Variants in DPP10 observed in about 807,000 individuals in gnomAD.
DPP10 encodes the protein inactive dipeptidyl peptidase 10.
A neutral mutation model predicts 120.9 loss-of-function variants in DPP10; 33 were observed. The observed-to-expected ratio is 0.27, with a 90% CI of 0.21 to 0.37. The LOEUF is 0.37. Among genes scored for constraint, DPP10 ranks in the 10% least tolerant of loss-of-function variants. The pLI, the probability that DPP10 is intolerant of heterozygous loss-of-function variation, is 1.00. For missense variants in DPP10, 816 were observed against 942.8 expected (o/e 0.87, Z 1.76); for synonymous variants, 337 against 326.1 (o/e 1.03, Z -0.36).
chr2:114,631,550 G>T (rs1694927005), intron 1 of DPP10, among the ~76,000 whole-genome samples: 1 of 152,164 alleles, frequency 6.6e-6, no homozygotes, highest in Admixed American at 6.5e-5. Context: ...AGGGACTGGA[G>T]AAATCTTTAT....
At chr2:115,645,071 T>C (rs2087120347) in intron 5 of DPP10, among the ~76,000 whole-genome samples, 1 of 152,158 alleles carries the variant, frequency 6.6e-6, no homozygotes, top group African/African-American at 2.4e-5. Flanking sequence ...CTCCTATTAT[T>C]TTAAGCATTC....
intron 1 of DPP10, among the ~76,000 whole-genome samples, chr2:114,557,894 A>T (rs1179993889): frequency 6.6e-6 from 1 of 152,038 alleles, no homozygotes; most frequent in Non-Finnish European, 1.5e-5. Context: ...TTGACATGGG[A>T]TGTATTTTGA....
chr2:115,627,061 A>G (rs2085422858), intron 5 of DPP10, among the ~76,000 whole-genome samples: 1 of 152,170 alleles, frequency 6.6e-6, no homozygotes, highest in African/African-American at 2.4e-5. Flanking sequence ...TTTATTGACC[A>G]CATTTGGGGT....
chr2:115,674,497 A>G (rs1170390266), intron 5 of DPP10, among the ~76,000 whole-genome samples: 1 of 151,738 alleles, frequency 6.6e-6, no homozygotes, highest in African/African-American at 2.4e-5. Flanking sequence ...CCTTCCTAAG[A>G]GGGAAAAAAT....
chr2:115,309,652 G>A (rs2061501574), intron 2 of DPP10, among the ~76,000 whole-genome samples: 1 of 152,038 alleles, frequency 6.6e-6, no homozygotes, highest in Non-Finnish European at 1.5e-5. Flanking sequence ...GATAAATGCA[G>A]AAGACATTTG....
intron 1 of DPP10, among the ~76,000 whole-genome samples, chr2:114,872,933 A>G (rs1286728174): frequency 6.6e-6 from 1 of 152,202 alleles, no homozygotes; most frequent in Non-Finnish European, 1.5e-5. Context: ...CACTTTGTAT[A>G]ATATGTGGGG....
intron 1 of DPP10, among the ~76,000 whole-genome samples, chr2:115,221,404 G>A (rs6542253): frequency 0.99 from 151,453 of 152,268 alleles, 75,324 homozygotes; most frequent in East Asian, 1. Flanking sequence ...AGCAGGGTTC[G>A]GCAAACCATG....
intron 1 of DPP10, among the ~76,000 whole-genome samples, chr2:114,624,341 T>A (rs1212884476): frequency 6.6e-6 from 1 of 151,974 alleles, no homozygotes; most frequent in African/African-American, 2.4e-5. Flanking sequence ...GAAAGGGTAC[T>A]GGAATTTTAT....
chr2:114,706,739 C>T (rs1331046821), intron 1 of DPP10, among the ~76,000 whole-genome samples: 1 of 152,142 alleles, frequency 6.6e-6, no homozygotes, highest in Non-Finnish European at 1.5e-5. Context: ...CTTCTAGTAT[C>T]CACTGTTCAA....
intron 1 of DPP10, among the ~76,000 whole-genome samples, chr2:114,520,699 C>T (rs1370032540): frequency 5.9e-5 from 9 of 152,204 alleles, no homozygotes; most frequent in Non-Finnish European, 8.8e-5. Context: ...CTAGTCTAAT[C>T]TTCTCTCTGT....
chr2:115,656,133 AACACACAC>A (rs146572509), intron 5 of DPP10, among the ~76,000 whole-genome samples: 2,001 of 143,314 alleles, frequency 0.014, 26 homozygotes, highest in African/African-American at 0.035. Flanking sequence ...GTTCTTACCA[AACACACAC>A]ACACACACAC....
chr2:114,984,819 C>T (rs1257546852), intron 1 of DPP10, among the ~76,000 whole-genome samples: 1 of 152,078 alleles, frequency 6.6e-6, no homozygotes. Context: ...CCCGTGTTTG[C>T]CATTGCCATG....
At chr2:115,135,805 G>A (rs1573743261) in intron 1 of DPP10, among the ~76,000 whole-genome samples, 1 of 152,124 alleles carries the variant, frequency 6.6e-6, no homozygotes. Flanking sequence ...AGACCATTTT[G>A]CAGAAGGTTT....
chr2:115,604,605 C>A (rs1195866180), intron 5 of DPP10, among the ~76,000 whole-genome samples: 4 of 152,104 alleles, frequency 2.6e-5, no homozygotes, highest in Non-Finnish European at 1.5e-5. Context: ...TCAGATTTAC[C>A]CTACCTTCTT....
intron 3 of DPP10, among the ~76,000 whole-genome samples, chr2:115,373,740 G>T (rs1451284547): frequency 1.3e-5 from 2 of 151,910 alleles, no homozygotes; most frequent in East Asian, 3.9e-4. Flanking sequence ...AACCACCTGA[G>T]ACTGGGTAGT....
intron 5 of DPP10, among the ~76,000 whole-genome samples, chr2:115,652,324 G>A (rs2087859739): frequency 6.6e-6 from 1 of 151,650 alleles, no homozygotes; most frequent in African/African-American, 2.4e-5. Context: ...TGTACAGTAG[G>A]CAGTCACTAG....
chr2:115,432,619 T>C (rs1434489832), intron 3 of DPP10, among the ~76,000 whole-genome samples: 1 of 151,164 alleles, frequency 6.6e-6, no homozygotes, highest in Admixed American at 6.6e-5. Context: ...ATATTTTGAA[T>C]TACTTTTGAG....
At chr2:115,407,126 T>C (rs1034037989) in intron 3 of DPP10, among the ~76,000 whole-genome samples, 3 of 152,186 alleles carry the variant, frequency 2.0e-5, no homozygotes, top group African/African-American at 7.2e-5. Context: ...GCCAGGCTCC[T>C]TCGCCCTGGA....
At chr2:115,636,454 G>C (rs1465721003) in intron 5 of DPP10, among the ~76,000 whole-genome samples, 1 of 152,120 alleles carries the variant, frequency 6.6e-6, no homozygotes, top group Non-Finnish European at 1.5e-5. Context: ...TGTGGTAATG[G>C]TGTTGTGGTT....
Sources: gnomAD v4.1 joint callset for allele counts (sites outside exome capture counted in the v4.1 genomes callset) on GRCh38, gnomAD v4.1.1 for gene constraint, MANE v1.5 for transcripts, NCBI Gene and HGNC (gene_info 2026-07-23, HGNC 2026-07-21) for gene names.